The following SPDYA variants were observed in gnomAD, a reference collection of about 807,000 sequenced individuals.
SPDYA encodes the protein speedy/RINGO cell cycle regulator family member A, also known as speedy protein A.
A neutral mutation model predicts 36.7 loss-of-function variants in SPDYA; 11 were observed. The observed-to-expected ratio is 0.30, with a 90% CI of 0.19 to 0.50. SPDYA has a LOEUF of 0.50. Ranked by LOEUF, SPDYA falls within the 20% of genes least tolerant of loss-of-function variation. The pLI is 0.98. For missense variants in SPDYA, 287 were observed against 370.9 expected, an observed-to-expected ratio of 0.77 and a Z score of 1.86; for synonymous variants, 115 against 118.7, an observed-to-expected ratio of 0.97 and a Z score of 0.20.
intron 5 of SPDYA, among the ~76,000 whole-genome samples, chr2:28,823,116 A>C (rs911754089): frequency 3.7e-4 from 57 of 152,312 alleles, no homozygotes; most frequent in African/African-American, 1.3e-3. Context: ...TGCTCTAAAC[A>C]TAGTCTTTGT....
At chr2:28,828,214 T>C (rs932668132) in intron 5 of SPDYA, among the ~76,000 whole-genome samples, 1 of 152,134 alleles carries the variant, frequency 6.6e-6, no homozygotes, top group Non-Finnish European at 1.5e-5. Context: ...CTTGAACTCC[T>C]GGCCTCAAGC....
At position 28,850,353 on chromosome 2, in the gene SPDYA, T is replaced by C. The variant is rs146622199; in HGVS notation, c.*412T>C. ...CTGTATGACCAGGTTGCCAGTGTACTGGTCTAGCAACATAGGGAAATGATC... is the reference window on the plus strand; with the variant it reads ...CTGTATGACCAGGTTGCCAGTGTACCGGTCTAGCAACATAGGGAAATGATC... On this transcript the variant is annotated 3_prime_UTR_variant, in exon 8 of 8. Coordinates refer to ENST00000334056, the MANE Select transcript of SPDYA (RefSeq NM_182756.4). The C allele has an allele frequency of 8.7e-6, 14 of 1,610,860 alleles. No individual in the cohort carries two copies. Among genetic ancestry groups the C allele is most frequent in the Non-Finnish European group, 1.2e-5 (14 of 1,178,630 alleles).
At chr2:28,827,427 C>CTT (rs1461421225) in intron 5 of SPDYA, among the ~76,000 whole-genome samples, 2 of 152,054 alleles carry the variant, frequency 1.3e-5, no homozygotes, top group African/African-American at 4.8e-5. Flanking sequence ...ATCGTATTAT[C>CTT]TTTACTGGAA....
intron 1 of SPDYA, among the ~76,000 whole-genome samples, chr2:28,812,245 C>T (rs1667864695): frequency 6.6e-6 from 1 of 152,064 alleles, no homozygotes; most frequent in Admixed American, 6.6e-5. Flanking sequence ...GGCACATATT[C>T]TCTGTGTGTG....
At chr2:28,830,299 G>A (rs1572505024) in intron 6 of SPDYA, among the ~76,000 whole-genome samples, 2 of 150,288 alleles carry the variant, frequency 1.3e-5, no homozygotes, top group Non-Finnish European at 1.5e-5. Flanking sequence ...CGCCTCCCGG[G>A]TCCACGCCAT....
intron 4 of SPDYA, among the ~76,000 whole-genome samples, chr2:28,821,432 A>G (rs1021072431): frequency 6.6e-6 from 1 of 151,860 alleles, no homozygotes; most frequent in African/African-American, 2.4e-5. Flanking sequence ...TGAACTCCTG[A>G]CCTTGTGATC....
intron 5 of SPDYA, among the ~76,000 whole-genome samples, chr2:28,828,603 G>C (rs566453720): frequency 2.0e-5 from 3 of 152,294 alleles, no homozygotes; most frequent in South Asian, 2.1e-4. Flanking sequence ...TCCTGCTTCT[G>C]TGCATGCCTG....
chr2:28,829,943 C>CAAA (rs1295866091), intron 6 of SPDYA, among the ~76,000 whole-genome samples: 1 of 20,086 alleles, frequency 5.0e-5, no homozygotes, highest in African/African-American at 1.1e-4. Context: ...GACTCCATCT[C>CAAA]AAAAAAAAAA....
intron 2 of SPDYA, among the ~76,000 whole-genome samples, chr2:28,815,529 G>A (rs1667962955): frequency 1.3e-5 from 2 of 151,822 alleles, no homozygotes; most frequent in African/African-American, 4.8e-5. Flanking sequence ...GGGAGGGGGG[G>A]TGCTTTGTAA....
At chr2:28,834,242 GATACTGGAACCCTC>G (rs1223382561) in intron 6 of SPDYA, among the ~76,000 whole-genome samples, 1 of 152,174 alleles carries the variant, frequency 6.6e-6, no homozygotes, top group African/African-American at 2.4e-5. Flanking sequence ...AGGATGTGGA[GATACTGGAACCCTC>G]ATACACTTCT....
intron 5 of SPDYA, among the ~76,000 whole-genome samples, chr2:28,827,771 G>C (rs891004594): frequency 6.6e-6 from 1 of 151,908 alleles, no homozygotes; most frequent in African/African-American, 2.4e-5. Flanking sequence ...CTTCTTTGTA[G>C]GTTTATAGTT....
intron 6 of SPDYA, among the ~76,000 whole-genome samples, chr2:28,838,604 T>A (rs1263517912): frequency 6.6e-6 from 1 of 152,210 alleles, no homozygotes; most frequent in African/African-American, 2.4e-5. Flanking sequence ...TAGACATATT[T>A]AAAAATAACC....
In SPDYA at chr2:28,840,268, C is replaced by T; in HGVS notation, c.649C>T (p.Leu217=). ...AAACTACAACAGAGATGAAGTTCAG[C>T]TGCCCCGGGGACCTAGTGCCACACC... ...VRNYNRDEVQ[L]PRGPSATPVD... Residue 217 remains leucine, a synonymous_variant, in exon 7 of 8, where the codon CTG becomes TTG. Coordinates refer to ENST00000334056, the MANE Select transcript of SPDYA (RefSeq NM_182756.4). 1 of 1,613,742 alleles carries T rather than the reference C, an allele frequency of 6.2e-7. No homozygotes were observed. Among genetic ancestry groups the T allele is most frequent in the Non-Finnish European group, 8.5e-7 (1 of 1,179,912 alleles).
At chr2:28,828,701 T>A (rs902840274) in intron 5 of SPDYA, among the ~76,000 whole-genome samples, 1 of 152,206 alleles carries the variant, frequency 6.6e-6, no homozygotes, top group Admixed American at 6.5e-5. Flanking sequence ...AAGAAAAGAT[T>A]AGGAGGAATA....
chr2:28,830,851 T>C (rs1425069371), intron 6 of SPDYA, among the ~76,000 whole-genome samples: 3 of 152,116 alleles, frequency 2.0e-5, no homozygotes, highest in African/African-American at 2.4e-5. Context: ...TTTAATAAAG[T>C]CACTATTTCA....
chr2:28,816,339 G>T, intron 3 of SPDYA, 90 bp downstream of exon 3: 2 of 959,340 alleles, frequency 2.1e-6, no homozygotes, highest in Non-Finnish European at 2.9e-6. Context: ...GATCAAAGAG[G>T]ATATCATTAT....
Position 28,850,497 on chromosome 2 carries a change from G to T in SPDYA, c.*556G>T, listed in dbSNP as rs984866617. 8.4e-6 allele frequency: 7 copies of T among 835,272 alleles called. No individual in the cohort carries two copies. The highest frequency in any genetic ancestry group is 5.5e-5 in the East Asian group (2 of 36,452). 51.7% of individuals were successfully genotyped at this position (835,272 alleles called of 1,614,324 possible). ...TAAAATATGAGTTACTCTCTTTATTGTAAGTTTTTTCTTTATTTATTTCCT... is the reference window on the plus strand; with the variant it reads ...TAAAATATGAGTTACTCTCTTTATTTTAAGTTTTTTCTTTATTTATTTCCT... On this transcript the variant is annotated 3_prime_UTR_variant, in exon 8 of 8. Coordinates refer to ENST00000334056, the MANE Select transcript of SPDYA (RefSeq NM_182756.4).
chr2:28,824,492 CAA>C (rs61540635), intron 5 of SPDYA, among the ~76,000 whole-genome samples: 59 of 110,080 alleles, frequency 5.4e-4, no homozygotes, highest in African/African-American at 1.9e-3. Flanking sequence ...AAAAAAAAAA[CAA>C]AAAAAAAAAA....
At chr2:28,839,810 T>C (rs1164022338) in intron 6 of SPDYA, among the ~76,000 whole-genome samples, 1 of 152,202 alleles carries the variant, frequency 6.6e-6, no homozygotes, top group Non-Finnish European at 1.5e-5. Context: ...CCAATTAACT[T>C]TTTTTAACCC....
Sources: gnomAD v4.1 joint callset for allele counts (sites outside exome capture counted in the v4.1 genomes callset) on GRCh38, gnomAD v4.1.1 for gene constraint, MANE v1.5 for transcripts, NCBI Gene and HGNC (gene_info 2026-07-23, HGNC 2026-07-21) for gene names.